The following CD244 variants were observed in gnomAD, a reference collection of about 807,000 sequenced individuals.
The protein encoded by CD244 is CD244 molecule.
In CD244, 20 loss-of-function variants were observed where a neutral mutation model predicts 45.5. The ratio of observed to expected loss-of-function variants is 0.44; its 90% CI spans 0.31 to 0.64. The LOEUF (loss-of-function observed/expected upper bound fraction) is 0.64. Ranked by LOEUF, CD244 falls within the 30% of genes least tolerant of loss-of-function variation. The probability of loss-of-function intolerance (pLI) is 0.08; values close to 1 mark genes in which losing one functional copy is unlikely to be tolerated. For missense variants in CD244, 407 were observed against 426.9 expected, an observed-to-expected ratio of 0.95 and a Z score of 0.41; for synonymous variants, 185 against 160.5, an observed-to-expected ratio of 1.15 and a Z score of -1.15.
At chr1:160,835,273 G>A (rs1669293769) in intron 6 of CD244, among the ~76,000 whole-genome samples, 1 of 152,110 alleles carries the variant, frequency 6.6e-6, no homozygotes, top group South Asian at 2.1e-4. Context: ...AATATAAGAG[G>A]TGGAGTATGA....
At chr1:160,859,768 G>T (rs1670230382) in intron 1 of CD244, among the ~76,000 whole-genome samples, 2 of 149,528 alleles carry the variant, frequency 1.3e-5, no homozygotes, top group Admixed American at 1.3e-4. Flanking sequence ...AAATTAGCCA[G>T]GCATGGTGGC....
intron 1 of CD244, among the ~76,000 whole-genome samples, chr1:160,856,710 G>T (rs925600262): frequency 2.6e-5 from 4 of 152,022 alleles, no homozygotes; most frequent in African/African-American, 9.7e-5. Flanking sequence ...TTTCATCTTT[G>T]TTTCCCCCAC....
chr1:160,836,731 C>T (rs1669347362), intron 5 of CD244, among the ~76,000 whole-genome samples: 1 of 152,114 alleles, frequency 6.6e-6, no homozygotes, highest in Admixed American at 6.5e-5. Context: ...AGCCCTGAAC[C>T]CAAGGGCCAA....
intron 1 of CD244, 64 bp downstream of exon 1, chr1:160,862,553 G>C (rs1190624242): frequency 6.8e-7 from 1 of 1,460,218 alleles, no homozygotes; most frequent in Non-Finnish European, 9.6e-7. Context: ...CTCTGGCTCT[G>C]ATCTCCCTGA....
Position 160,841,457 on chromosome 1 carries a change from C to T in CD244, c.408G>A (p.Gly136=). 1 of 1,614,058 alleles carries T rather than the reference C, an allele frequency of 6.2e-7. No individual in the cohort carries two copies. The highest frequency in any genetic ancestry group is 8.5e-7 in the Non-Finnish European group (1 of 1,180,014). The change falls in exon 3 of 9, where the codon GGG becomes GGA. Residue 136 remains glycine, a synonymous_variant. Transcript: ENST00000368034. The part of the protein sequence containing the change: ...FDKVEKPRLQ[G]QGKILDRGRC... ...TCCCTCTGTCCAGGATCTTCCCCTG[C>T]CCCTGTAGGCGGGGTTTCTCAACTT...
chr1:160,840,884 T>C (rs1669517261), intron 3 of CD244, among the ~76,000 whole-genome samples: 1 of 152,216 alleles, frequency 6.6e-6, no homozygotes, highest in East Asian at 1.9e-4. Context: ...GAGAGGACAG[T>C]TCTCCATCAG....
chr1:160,838,368 T>C, intron 5 of CD244, 83 bp downstream of exon 5: 1 of 1,007,724 alleles, frequency 9.9e-7, no homozygotes. Flanking sequence ...CAGTCCTTTT[T>C]GTCCCTCTGC....
At chr1:160,833,938 C>T in intron 7 of CD244, 113 bp downstream of exon 7, 1 of 735,610 alleles carries the variant, frequency 1.4e-6, no homozygotes, top group Non-Finnish European at 2.4e-6. Context: ...TACTCAGATA[C>T]ACACAATAAA....
At chr1:160,841,513 G>T (rs745765975) in intron 2 of CD244, 28 bp from the exon 3 acceptor site, 7 of 1,613,354 alleles carry the variant, frequency 4.3e-6, no homozygotes, top group Admixed American at 3.3e-5. Flanking sequence ...GATCAGAAAG[G>T]CATTGGAAAT....
chr1:160,833,904 TA>T, intron 7 of CD244, 146 bp downstream of exon 7: 2 of 611,558 alleles, frequency 3.3e-6, no homozygotes, highest in Non-Finnish European at 3.0e-6. Flanking sequence ...CATTGACATT[TA>T]AATACAGTCA....
intron 1 of CD244, among the ~76,000 whole-genome samples, chr1:160,857,019 A>G (rs2101894773): frequency 6.6e-6 from 1 of 152,392 alleles, no homozygotes; most frequent in Admixed American, 6.5e-5. Context: ...GTTTAAATTA[A>G]TTAATTCAAC....
At chr1:160,850,595 T>C (rs959583855) in intron 1 of CD244, among the ~76,000 whole-genome samples, 1 of 152,198 alleles carries the variant, frequency 6.6e-6, no homozygotes, top group Non-Finnish European at 1.5e-5. Context: ...GAAATTAAGA[T>C]AGCATTCCAG....
intron 1 of CD244, among the ~76,000 whole-genome samples, chr1:160,861,298 C>G (rs1403196895): frequency 6.6e-6 from 1 of 152,184 alleles, no homozygotes; most frequent in Non-Finnish European, 1.5e-5. Flanking sequence ...TGCATCCTTA[C>G]AAATGTTGAG....
intron 1 of CD244, among the ~76,000 whole-genome samples, chr1:160,849,910 G>C (rs1187357520): frequency 6.6e-6 from 1 of 152,080 alleles, no homozygotes; most frequent in Non-Finnish European, 1.5e-5. Flanking sequence ...TACTCGGGAG[G>C]CTGAGGCAGG....
intron 1 of CD244, among the ~76,000 whole-genome samples, chr1:160,845,856 C>CA (rs61093310): frequency 8.2e-4 from 87 of 105,578 alleles, no homozygotes; most frequent in East Asian, 1.4e-3. Context: ...AACTCTGTCT[C>CA]AAAAAAAAAA....
intron 1 of CD244, chr1:160,848,285 A>G: frequency 3.5e-6 from 2 of 579,460 alleles, no homozygotes; most frequent in South Asian, 2.7e-5. Context: ...CCTGAAGCAT[A>G]CAGGTCTTGG....
At chr1:160,840,494 C>G (rs553525216) in intron 3 of CD244, among the ~76,000 whole-genome samples, 2 of 152,250 alleles carry the variant, frequency 1.3e-5, no homozygotes, top group South Asian at 4.2e-4. Flanking sequence ...AACTCCTGAC[C>G]TTGTGATCCA....
At chr1:160,838,176 A>G (rs1032446183) in intron 5 of CD244, among the ~76,000 whole-genome samples, 1 of 152,092 alleles carries the variant, frequency 6.6e-6, no homozygotes, top group Non-Finnish European at 1.5e-5. Context: ...TCTGTCATTG[A>G]TTTCTGTTGT....
At chr1:160,849,304 C>CTTTTTTTTTT (rs1557840584) in intron 1 of CD244, among the ~76,000 whole-genome samples, 2 of 108,472 alleles carry the variant, frequency 1.8e-5, no homozygotes, top group Non-Finnish European at 3.7e-5. Context: ...TTTTGTTTTA[C>CTTTTTTTTTT]TTTAAGTTCT....
Sources: allele counts gnomAD v4.1 joint callset (sites outside exome capture counted in the v4.1 genomes callset), GRCh38; gene constraint gnomAD v4.1.1; transcripts MANE v1.5; gene names NCBI Gene and HGNC (gene_info 2026-07-23, HGNC 2026-07-21).